KANSL1L: variants seen among roughly 807,000 people sequenced by gnomAD.
The protein encoded by KANSL1L is KAT8 regulatory NSL complex subunit 1-like protein.
In KANSL1L, 25 loss-of-function variants were observed where a neutral mutation model predicts 108.6. That is an observed-to-expected ratio of 0.23 (90% CI 0.17 to 0.32). The LOEUF (loss-of-function observed/expected upper bound fraction) is 0.32. Ranked by LOEUF, KANSL1L falls within the 10% of genes least tolerant of loss-of-function variation. The probability of loss-of-function intolerance (pLI) is 1.00; values close to 1 mark genes in which losing one functional copy is unlikely to be tolerated. For missense variants in KANSL1L, 1,137 were observed against 1,125.7 expected (o/e 1.01, Z -0.14); for synonymous variants, 405 against 395.1 (o/e 1.03, Z -0.30).
At chr2:210,070,882 G>A (rs528136559) in intron 6 of KANSL1L, among the ~76,000 whole-genome samples, 2 of 152,122 alleles carry the variant, frequency 1.3e-5, no homozygotes, top group Non-Finnish European at 1.5e-5. Context: ...ATATGTAGCC[G>A]GGTGCAGTGG....
rs1559625211 is a variant in KANSL1L at position 210,171,340 on chromosome 2, CG to C, written c.-222del. On this transcript the variant is annotated 5_prime_UTR_variant, in exon 1 of 15. Transcript: ENST00000281772. ...CCGCCGCCGCCGCCGCCGCCGCCGC[CG>C]CGGTTTAACAGTCCGCCCGCTGCCC... 2 of 178,110 alleles carry C rather than the reference CG, an allele frequency of 1.1e-5. No individual in the cohort carries two copies. Among genetic ancestry groups the C allele is most frequent in the South Asian group, 3.2e-4 (2 of 6,294 alleles). The allele number at this position is 178,110 out of a possible 1,614,324, so 11.0% of individuals were successfully genotyped here. A position where few individuals can be genotyped will look rare whatever the true frequency, so the allele number is the denominator to read the frequency against.
At chr2:210,098,381 A>G (rs959435895) in intron 4 of KANSL1L, among the ~76,000 whole-genome samples, 174 bp from the exon 5 acceptor site, 15 of 152,234 alleles carry the variant, frequency 9.9e-5, no homozygotes, top group Non-Finnish European at 1.9e-4. Flanking sequence ...TATTACAAAT[A>G]AATCTATACT....
intron 5 of KANSL1L, chr2:210,079,698 GTGTATATA>G (rs2094574096): frequency 4.5e-5 from 1 of 22,204 alleles, no homozygotes; most frequent in African/African-American, 1.2e-4. Flanking sequence ...ATATGTATGT[GTGTATATA>G]TATATATATA....
chr2:210,168,368 T>C (rs1688113105), intron 1 of KANSL1L, among the ~76,000 whole-genome samples: 1 of 152,012 alleles, frequency 6.6e-6, no homozygotes. Context: ...ATGAAAAACA[T>C]CATGAAAACA....
At chr2:210,047,770 G>A (rs2094241137) in intron 6 of KANSL1L, among the ~76,000 whole-genome samples, 1 of 152,074 alleles carries the variant, frequency 6.6e-6, no homozygotes, top group African/African-American at 2.4e-5. Context: ...TTGATTCAAT[G>A]ACAGATGGTA....
chr2:210,077,441 G>A (rs1286788569), intron 5 of KANSL1L, among the ~76,000 whole-genome samples: 1 of 152,096 alleles, frequency 6.6e-6, no homozygotes, highest in Non-Finnish European at 1.5e-5. Context: ...TCAAGGGGGA[G>A]CAGAAGGCAT....
intron 1 of KANSL1L, among the ~76,000 whole-genome samples, chr2:210,166,200 T>C (rs980387232): frequency 1.1e-4 from 17 of 152,214 alleles, no homozygotes; most frequent in African/African-American, 3.6e-4. Flanking sequence ...TTCTAAACCA[T>C]ACATATTTAT....
At chr2:210,169,152 C>T (rs1003655590) in intron 1 of KANSL1L, among the ~76,000 whole-genome samples, 1 of 152,020 alleles carries the variant, frequency 6.6e-6, no homozygotes, top group Non-Finnish European at 1.5e-5. Context: ...CCTTAAAAAA[C>T]ACACACACAA....
chr2:210,048,448 A>G (rs1190770149), intron 6 of KANSL1L, among the ~76,000 whole-genome samples: 1 of 151,852 alleles, frequency 6.6e-6, no homozygotes, highest in Non-Finnish European at 1.5e-5. Flanking sequence ...CTTTTTAATC[A>G]TATTAGCAAT....
chr2:210,053,415 G>A (rs980509460), intron 6 of KANSL1L, among the ~76,000 whole-genome samples: 2 of 152,094 alleles, frequency 1.3e-5, no homozygotes, highest in Admixed American at 6.5e-5. Context: ...TGGCCAACAT[G>A]GTGAGACCTT....
chr2:210,149,888 G>A (rs1474459297), intron 2 of KANSL1L, among the ~76,000 whole-genome samples: 1 of 148,760 alleles, frequency 6.7e-6, no homozygotes, highest in Non-Finnish European at 1.5e-5. Context: ...TAGATTTCAA[G>A]TATTAAAGAA....
intron 2 of KANSL1L, among the ~76,000 whole-genome samples, chr2:210,146,223 C>T (rs1313933856): frequency 6.6e-6 from 1 of 152,116 alleles, no homozygotes; most frequent in Non-Finnish European, 1.5e-5. Context: ...TGCAGTTATC[C>T]TCTGGATTTT....
At position 210,043,927 on chromosome 2, in the gene KANSL1L, AAGG is replaced by A. The variant is rs761916694; in HGVS notation, c.1921+9_1921+11del. The A allele has an allele frequency of 6.5e-7, 1 of 1,538,272 alleles. No homozygotes were observed. Among genetic ancestry groups the A allele is most frequent in the South Asian group, 1.2e-5 (1 of 81,174 alleles). ...AATATCGTTACTTAGAAATTGTTAC[AAGG>A]AGGCTTACCTGATGGCAATGATAGA... On this transcript the variant is annotated intron_variant, in intron 7 of 14. Coordinates refer to ENST00000281772, the MANE Select transcript of KANSL1L (RefSeq NM_152519.4).
intron 6 of KANSL1L, among the ~76,000 whole-genome samples, chr2:210,066,662 C>T (rs144618575): frequency 3.3e-5 from 5 of 152,304 alleles, no homozygotes; most frequent in Middle Eastern, 3.4e-3. Context: ...TTACAGGCAT[C>T]GGCCACCACA....
At chr2:210,094,487 A>C (rs2094718922) in intron 5 of KANSL1L, among the ~76,000 whole-genome samples, 1 of 152,120 alleles carries the variant, frequency 6.6e-6, no homozygotes, top group South Asian at 2.1e-4. Context: ...AAATAGCAAG[A>C]TATAAGAAAT....
At chr2:210,146,268 T>C (rs544592722) in intron 2 of KANSL1L, among the ~76,000 whole-genome samples, 7 of 152,304 alleles carry the variant, frequency 4.6e-5, no homozygotes, top group Admixed American at 3.9e-4. Context: ...TACAAATTCA[T>C]ACTTAAACAT....
chr2:210,134,740 G>A (rs1225503244), intron 2 of KANSL1L, among the ~76,000 whole-genome samples: 1 of 152,202 alleles, frequency 6.6e-6, no homozygotes, highest in East Asian at 1.9e-4. Flanking sequence ...TTTGGCTGTG[G>A]TATTTTCACA....
intron 1 of KANSL1L, among the ~76,000 whole-genome samples, chr2:210,169,670 C>A (rs989702104): frequency 3.9e-5 from 6 of 152,062 alleles, no homozygotes; most frequent in Non-Finnish European, 7.4e-5. Flanking sequence ...AGACAGTTTG[C>A]GGGAGAGAAT....
chr2:210,098,282 T>C, intron 4 of KANSL1L, 75 bp from the exon 5 acceptor site: 1 of 1,383,618 alleles, frequency 7.2e-7, no homozygotes, highest in Non-Finnish European at 1.0e-6. Flanking sequence ...ATAGTGCCAA[T>C]TAATCCTTAA....
Sources: allele counts gnomAD v4.1 joint callset (sites outside exome capture counted in the v4.1 genomes callset), GRCh38; gene constraint gnomAD v4.1.1; transcripts MANE v1.5; gene names NCBI Gene and HGNC (gene_info 2026-07-23, HGNC 2026-07-21).